PI4KA: variants seen among roughly 807,000 people sequenced by gnomAD.
PI4KA encodes the protein PI4-kinase alpha.
Under a neutral mutation model 271.4 loss-of-function variants are expected in PI4KA, and 122 were observed. The ratio of observed to expected loss-of-function variants is 0.45; its 90% confidence interval spans 0.39 to 0.52. The LOEUF (loss-of-function observed/expected upper bound fraction) is 0.52. Ranked by LOEUF, PI4KA falls within the 20% of genes least tolerant of loss-of-function variation. The probability of loss-of-function intolerance (pLI) is 0.00; values close to 1 mark genes in which losing one functional copy is unlikely to be tolerated. For synonymous variants in PI4KA, 1,041 were observed against 1,078.8 expected (o/e 0.96, Z 0.69); for missense variants, 1,969 against 2,769.1 (o/e 0.71, Z 6.48).
chr22:20,727,284 C>T lies in PI4KA; in HGVS notation c.4887G>A (p.Pro1629=), dbSNP rs149013949. 21 of 1,613,178 alleles carry T rather than the reference C, an allele frequency of 1.3e-5. No individual in the cohort carries two copies. The highest frequency in any genetic ancestry group is 6.7e-5 in the African/African-American group (5 of 74,894). Residue 1629 remains proline, a synonymous_variant, in exon 41 of 55, where the codon CCG becomes CCA. Transcript: ENST00000255882. ...TGLSYFSSMY[P]PHPLTAQYGV... ...CGTACTGCGCCGTGAGAGGGTGCGG[C>T]GGGTACATGCTGGAGAAGTAGGAGA...
At chr22:20,712,866 T>C (rs1925491915) in intron 48 of PI4KA, 69 bp from the exon 49 acceptor site, 2 of 1,550,006 alleles carry the variant, frequency 1.3e-6, no homozygotes, top group Non-Finnish European at 1.7e-6. Context: ...TTCTGGCTCA[T>C]GCAGGGCAAA....
rs1601541424 is a variant in PI4KA, at chr22:20,807,274, G to A, written c.1168+88C>T. The A allele has an allele frequency of 4.2e-5, 33 of 785,626 alleles. No homozygotes were observed. The East Asian group carries it at 8.7e-4, about 21-fold the overall frequency. 48.7% of individuals were successfully genotyped at this position (785,626 alleles called of 1,614,324 possible). A position where few individuals can be genotyped will look rare whatever the true frequency, so the allele number is the denominator to read the frequency against. On this transcript the variant is annotated intron_variant, in intron 10 of 54. Coordinates refer to ENST00000255882, the MANE Select transcript of PI4KA (RefSeq NM_058004.4). ...TTTTTCAGTGGCCCCAGCAGAAAGT[G>A]AGTACCAGTCTGCAACCACTAGCAT...
Position 20,764,813 on chromosome 22 carries a change from G to A in PI4KA, c.2708+4C>T. On this transcript the variant is annotated splice_donor_region_variant and intron_variant, in intron 22 of 54. Coordinates refer to ENST00000255882, the MANE Select transcript of PI4KA (RefSeq NM_058004.4). ...CATGTGCATGGTGGTGAAGGCACGT[G>A]TACCTCATGTACTCCAGCCGGTACA... The A allele has an allele frequency of 6.2e-7, 1 of 1,609,180 alleles. No homozygotes were observed. Among genetic ancestry groups the A allele is most frequent in the Non-Finnish European group, 8.5e-7 (1 of 1,177,214 alleles).
In PI4KA at chr22:20,733,745, T is replaced by G; in HGVS notation, c.4151A>C (p.Asp1384Ala). ...LREKIYSTAF[D>A]YFSCPPKFPT... is the part of the protein sequence containing the mutation. ...CATCTTGGGGGAGTACCTGAAGTAG[T>G]CAAAGGCAGTGGAGTAGATCTTCTC... The change falls in exon 35 of 55, where the codon GAC (aspartate) becomes GCC (alanine). Residue 1384 changes from aspartate (D) to alanine (A), a missense_variant. Transcript: ENST00000255882. 1 of 1,613,718 alleles carries G rather than the reference T, an allele frequency of 6.2e-7. No homozygotes were observed. Among genetic ancestry groups the G allele is most frequent in the Non-Finnish European group, 8.5e-7 (1 of 1,179,840 alleles).
chr22:20,710,002 G>T lies in PI4KA; in HGVS notation c.6084-5C>A. The T allele has an allele frequency of 6.2e-7, 1 of 1,602,300 alleles. No individual in the cohort carries two copies. Among genetic ancestry groups the T allele is most frequent in the Non-Finnish European group, 8.6e-7 (1 of 1,169,310 alleles). On this transcript the variant is annotated splice_polypyrimidine_tract_variant and splice_region_variant and intron_variant, in intron 52 of 54. Coordinates refer to ENST00000255882, the MANE Select transcript of PI4KA (RefSeq NM_058004.4). ...ACGACCGCGTCCATGTAGGGCCTGG[G>T]GAGAGATAGGAGGGAGCGGTGGGCT...
chr22:20,845,430 G>A (rs74418601), intron 1 of PI4KA, among the ~76,000 whole-genome samples: 3,883 of 152,180 alleles, frequency 0.026, 163 homozygotes, highest in African/African-American at 0.089. Context: ...TAAAACCTCT[G>A]GGAATTGTCT....
chr22:20,753,749 C>T (rs182275954), intron 23 of PI4KA, among the ~76,000 whole-genome samples: 1 of 151,660 alleles, frequency 6.6e-6, no homozygotes, highest in East Asian at 2.0e-4. Flanking sequence ...TGTGGTGGCG[C>T]GATCTTGGCT....
At chr22:20,734,953 T>C (rs1450350163) in intron 32 of PI4KA, among the ~76,000 whole-genome samples, 1 of 152,218 alleles carries the variant, frequency 6.6e-6, no homozygotes, top group Non-Finnish European at 1.5e-5. Flanking sequence ...AAGAGGGTTC[T>C]GGATCCAGAG....
intron 32 of PI4KA, among the ~76,000 whole-genome samples, chr22:20,737,531 A>G (rs1928876205): frequency 6.6e-6 from 1 of 152,146 alleles, no homozygotes. Context: ...AGAGAGGTGG[A>G]TCTGGGCTCC....
intron 9 of PI4KA, among the ~76,000 whole-genome samples, chr22:20,809,170 C>T (rs1468200010): frequency 6.6e-6 from 1 of 152,122 alleles, no homozygotes; most frequent in Non-Finnish European, 1.5e-5. Context: ...CCAGACAACA[C>T]GAGTGTTAAA....
intron 1 of PI4KA, among the ~76,000 whole-genome samples, chr22:20,851,542 T>C (rs1926981317): frequency 1.3e-5 from 2 of 152,268 alleles, no homozygotes; most frequent in African/African-American, 4.8e-5. Context: ...TGCACCATGT[T>C]GGCCAGGCTG....
At chr22:20,804,202 G>A (rs571571346) in intron 12 of PI4KA, 98 bp downstream of exon 12, 10 of 808,584 alleles carry the variant, frequency 1.2e-5, no homozygotes, top group Non-Finnish European at 1.7e-5. Context: ...CAGGGTCTCC[G>A]CTGCTGGTGT....
intron 1 of PI4KA, among the ~76,000 whole-genome samples, chr22:20,841,870 A>G (rs1434373241): frequency 6.6e-6 from 1 of 152,130 alleles, no homozygotes; most frequent in Admixed American, 6.5e-5. Flanking sequence ...TTGAAAATGA[A>G]GGAAGGGGCC....
intron 29 of PI4KA, among the ~76,000 whole-genome samples, chr22:20,744,991 TGTGAGA>T: frequency 6.6e-6 from 1 of 152,262 alleles, no homozygotes; most frequent in Non-Finnish European, 1.5e-5. Context: ...ATCACTAGAT[TGTGAGA>T]GCAATGTCAC....
At chr22:20,798,533 A>T (rs747509262) in intron 17 of PI4KA, 51 bp downstream of exon 17, 1 of 1,090,436 alleles carries the variant, frequency 9.2e-7, no homozygotes, top group Non-Finnish European at 1.4e-6. Flanking sequence ...CACATTTTTA[A>T]AGTAAGTTAA....
intron 32 of PI4KA, among the ~76,000 whole-genome samples, chr22:20,737,104 C>T (rs1266515181): frequency 6.6e-6 from 1 of 152,220 alleles, no homozygotes; most frequent in Non-Finnish European, 1.5e-5. Context: ...TGAAGGGATG[C>T]ACCTGGACTA....
intron 19 of PI4KA, among the ~76,000 whole-genome samples, chr22:20,784,582 A>C (rs1934058636): frequency 6.6e-6 from 1 of 152,158 alleles, no homozygotes; most frequent in East Asian, 1.9e-4. Flanking sequence ...GGGTCACTTG[A>C]GAAAATAACA....
At chr22:20,838,821 C>A in intron 1 of PI4KA, 90 bp from the exon 2 acceptor site, 1 of 733,776 alleles carries the variant, frequency 1.4e-6, no homozygotes, top group Non-Finnish European at 2.4e-6. Context: ...CATATGCCTG[C>A]AGTACCAGCT....
chr22:20,709,756 G>A, intron 53 of PI4KA, 152 bp downstream of exon 53: 2 of 588,698 alleles, frequency 3.4e-6, no homozygotes, highest in Non-Finnish European at 6.2e-6. Flanking sequence ...TGGTCTAGGG[G>A]CAGAGCCTCA....
Sources: gnomAD v4.1 joint callset for allele counts (sites outside exome capture counted in the v4.1 genomes callset) on GRCh38, gnomAD v4.1.1 for gene constraint, MANE v1.5 for transcripts, NCBI Gene and HGNC (gene_info 2026-07-23, HGNC 2026-07-21) for gene names.